Variants in CALCR observed in about 807,000 individuals in gnomAD.
CALCR encodes calcitonin receptor.
In CALCR, 47 loss-of-function variants were observed where a neutral mutation model predicts 59.5. The ratio of observed to expected loss-of-function variants is 0.79; its 90% confidence interval spans 0.63 to 1.01. CALCR has a LOEUF of 1.01. Ranked by LOEUF, CALCR falls within the 50% of genes least tolerant of loss-of-function variation. The pLI is 0.00. For synonymous variants in CALCR, 213 were observed against 211.3 expected, an observed-to-expected ratio of 1.01 and a Z score of -0.07; for missense variants, 566 against 597.1, an observed-to-expected ratio of 0.95 and a Z score of 0.54.
At chr7:93,514,292 T>C (rs1412166863) in intron 2 of CALCR, among the ~76,000 whole-genome samples, 1 of 152,086 alleles carries the variant, frequency 6.6e-6, no homozygotes, top group African/African-American at 2.4e-5. Context: ...CTATATAATA[T>C]GTAATAATTG....
rs142936230 is a variant in CALCR at position 93,462,585 on chromosome 7, T to A, written c.522-1638A>T. Among the ~76,000 whole-genome samples the A allele has an allele frequency of 8.7e-3, 1,324 of 152,202 alleles. 14 individuals are homozygous for A. Among genetic ancestry groups the A allele is most frequent in the Non-Finnish European group, 0.014 (981 of 67,988 alleles). On this transcript the variant is annotated intron_variant, in intron 7 of 13. Transcript: ENST00000426151. ...TTTATAATTCTCACTAGCAGTTAAT[T>A]ATGGGATTCATTGTTTAATTCAGCC...
Position 93,438,123 on chromosome 7 carries a change from G to A in CALCR, c.867C>T (p.Cys289=), listed in dbSNP as rs773680680. Residue 289 remains cysteine (C), a synonymous_variant, in exon 11 of 14, where the codon TGC becomes TGT. Transcript: ENST00000426151. ...GCAAATGGGTTTCCACACTCAGCCA[G>A]CAGCTGAAAAAGGGCAAGGGGACAA... The part of the protein sequence containing the change: ...ITRAVYFNDN[C]WLSVETHLLY... 4 of 1,613,798 alleles carry A rather than the reference G, an allele frequency of 2.5e-6. No homozygotes were observed. Among genetic ancestry groups the A allele is most frequent in the Non-Finnish European group, 1.7e-6 (2 of 1,179,772 alleles).
chr7:93,429,833 T>C (rs1799609675), intron 13 of CALCR, among the ~76,000 whole-genome samples: 1 of 148,440 alleles, frequency 6.7e-6, no homozygotes, highest in Non-Finnish European at 1.5e-5. Context: ...AACCTGAGCT[T>C]GACATTTAAA....
Position 93,424,902 on chromosome 7 carries a change from C to G in CALCR, c.*1454G>C, listed in dbSNP as rs529481491. 1.3e-5 allele frequency: 2 copies of G among 152,556 alleles called. No homozygotes were observed. Among genetic ancestry groups the G allele is most frequent in the South Asian group, 4.1e-4 (2 of 4,820 alleles). 9.5% of individuals were successfully genotyped at this position (152,556 alleles called of 1,614,324 possible). Reference sequence around the variant, plus strand: ...AAATATAATTAATTTTCTCTGGGTGCGCTAAATATGTAACCATAACAAATC... The same window carrying G: ...AAATATAATTAATTTTCTCTGGGTGGGCTAAATATGTAACCATAACAAATC... On this transcript the variant is annotated 3_prime_UTR_variant, in exon 14 of 14. Coordinates refer to ENST00000426151, the MANE Select transcript of CALCR (RefSeq NM_001742.4).
At chr7:93,468,033 A>AT (rs1465716933) in intron 7 of CALCR, among the ~76,000 whole-genome samples, 1 of 151,556 alleles carries the variant, frequency 6.6e-6, no homozygotes, top group Non-Finnish European at 1.5e-5. Flanking sequence ...TGAGTGCTTT[A>AT]TTTTCACTAA....
chr7:93,536,044 C>T (rs1788975676), intron 2 of CALCR, among the ~76,000 whole-genome samples: 1 of 151,808 alleles, frequency 6.6e-6, no homozygotes, highest in South Asian at 2.1e-4. Flanking sequence ...TATGTCTATA[C>T]TAGTGTAGAT....
intron 4 of CALCR, 65 bp from the exon 5 acceptor site, chr7:93,477,733 C>A: frequency 2.0e-6 from 2 of 993,866 alleles, no homozygotes; most frequent in Non-Finnish European, 3.2e-6. Flanking sequence ...AAGATTGATC[C>A]CAAGACGATA....
intron 4 of CALCR, among the ~76,000 whole-genome samples, chr7:93,478,145 T>G (rs11767075): frequency 6.6e-6 from 1 of 151,888 alleles, no homozygotes; most frequent in Non-Finnish European, 1.5e-5. Flanking sequence ...GTTTTTATTG[T>G]CTCACTGGCT....
intron 2 of CALCR, among the ~76,000 whole-genome samples, chr7:93,519,143 G>A (rs1801706599): frequency 6.6e-6 from 1 of 151,824 alleles, no homozygotes; most frequent in Non-Finnish European, 1.5e-5. Flanking sequence ...CCTTAAAGAT[G>A]TTCAGTCTTC....
chr7:93,551,456 C>A (rs1789456310), intron 2 of CALCR, among the ~76,000 whole-genome samples: 1 of 152,170 alleles, frequency 6.6e-6, no homozygotes, highest in Non-Finnish European at 1.5e-5. Flanking sequence ...ATAATCAATT[C>A]TTAAATGTTC....
At chr7:93,483,410 TAG>T (rs1800845878) in intron 3 of CALCR, among the ~76,000 whole-genome samples, 2 of 13,486 alleles carry the variant, frequency 1.5e-4, no homozygotes, top group East Asian at 2.0e-3. Context: ...GCTGACTGTA[TAG>T]ATAGATAGAT....
At chr7:93,442,964 A>G (rs1269765514) in intron 9 of CALCR, among the ~76,000 whole-genome samples, 1 of 152,088 alleles carries the variant, frequency 6.6e-6, no homozygotes, top group Non-Finnish European at 1.5e-5. Flanking sequence ...AAAGGGAGCA[A>G]TTCTAGAGCA....
chr7:93,545,748 C>T (rs1348722782), intron 2 of CALCR, among the ~76,000 whole-genome samples: 1 of 152,058 alleles, frequency 6.6e-6, no homozygotes, highest in East Asian at 1.9e-4. Flanking sequence ...AAACTTTAGT[C>T]CTGCTACTAC....
chr7:93,504,272 A>G (rs77323123), intron 2 of CALCR, among the ~76,000 whole-genome samples: 1,775 of 152,294 alleles, frequency 0.012, 46 homozygotes, highest in South Asian at 0.067. Flanking sequence ...AACAAATTCT[A>G]TCTTACATTT....
chr7:93,435,578 C>T (rs1331313632), intron 12 of CALCR, among the ~76,000 whole-genome samples: 1 of 152,036 alleles, frequency 6.6e-6, no homozygotes, highest in African/African-American at 2.4e-5. Flanking sequence ...CAGGCCGAGG[C>T]GGGCAGAATA....
At chr7:93,521,738 G>T (rs1477958828) in intron 2 of CALCR, among the ~76,000 whole-genome samples, 2 of 152,056 alleles carry the variant, frequency 1.3e-5, no homozygotes, top group Non-Finnish European at 1.5e-5. Flanking sequence ...CATAGATATT[G>T]CCATATGTAT....
intron 2 of CALCR, among the ~76,000 whole-genome samples, chr7:93,569,502 T>A (rs762993188): frequency 1.2e-4 from 19 of 152,196 alleles, no homozygotes; most frequent in Non-Finnish European, 2.2e-4. Flanking sequence ...TGCTGAATCA[T>A]ATGCCCTTTA....
At chr7:93,435,621 A>G (rs78332258) in intron 12 of CALCR, among the ~76,000 whole-genome samples, 16,884 of 151,914 alleles carry the variant, frequency 0.11, 1,425 homozygotes, top group East Asian at 0.46. Flanking sequence ...CAGCCTGGCC[A>G]ACATGGTGAA....
chr7:93,438,027 C>T, intron 11 of CALCR, 33 bp downstream of exon 11: 1 of 1,522,458 alleles, frequency 6.6e-7, no homozygotes, highest in Non-Finnish European at 9.1e-7. Flanking sequence ...AGAGATAATA[C>T]TACTAATATT....
Sources: allele counts gnomAD v4.1 joint callset (sites outside exome capture counted in the v4.1 genomes callset), GRCh38; gene constraint gnomAD v4.1.1; transcripts MANE v1.5; gene names NCBI Gene and HGNC (gene_info 2026-07-23, HGNC 2026-07-21).